Variants in AFG2A observed in about 807,000 individuals in gnomAD.
AFG2A encodes the protein ATPase family gene 2 protein homolog A.
chr4:122,937,477 T>C, the AFG2A span, among the ~76,000 whole-genome samples: 1 of 152,148 alleles, frequency 6.6e-6, no homozygotes, highest in Non-Finnish European at 1.5e-5. Context: ...GTGTTTAATA[T>C]CATAACTACT....
chr4:123,306,675 C>G, the AFG2A span, among the ~76,000 whole-genome samples: 1 of 152,108 alleles, frequency 6.6e-6, no homozygotes, highest in Non-Finnish European at 1.5e-5. Flanking sequence ...CCTGCCTCAG[C>G]CTCCCAAGTA....
chr4:123,000,940 C>T, the AFG2A span, among the ~76,000 whole-genome samples: 1 of 107,424 alleles, frequency 9.3e-6, no homozygotes, highest in Non-Finnish European at 2.0e-5. Context: ...GTCCTGGACT[C>T]TTTTTGGTTG....
At chr4:123,301,071 C>T in the AFG2A span, among the ~76,000 whole-genome samples, 1 of 152,280 alleles carries the variant, frequency 6.6e-6, no homozygotes, top group East Asian at 1.9e-4. Context: ...TACTATAGAG[C>T]AGTGATTCCT....
chr4:123,060,393 G>A, the AFG2A span, among the ~76,000 whole-genome samples: 3 of 152,224 alleles, frequency 2.0e-5, no homozygotes, highest in African/African-American at 7.2e-5. Context: ...GCACACCTCT[G>A]CCTGAACATC....
chr4:122,973,764 C>T, the AFG2A span, among the ~76,000 whole-genome samples: 1 of 152,166 alleles, frequency 6.6e-6, no homozygotes, highest in Non-Finnish European at 1.5e-5. Flanking sequence ...GATGATGGCT[C>T]ACTGCGGTCT....
At chr4:123,139,507 T>G in the AFG2A span, among the ~76,000 whole-genome samples, 1 of 152,020 alleles carries the variant, frequency 6.6e-6, no homozygotes, top group African/African-American at 2.4e-5. Context: ...CAGTTAGAAT[T>G]TTGATTTGGA....
the AFG2A span, among the ~76,000 whole-genome samples, chr4:123,070,964 A>T: frequency 6.6e-6 from 1 of 152,156 alleles, no homozygotes; most frequent in African/African-American, 2.4e-5. Flanking sequence ...TAGATCTGTG[A>T]TATTAGGAAA....
At chr4:123,133,060 G>A in the AFG2A span, among the ~76,000 whole-genome samples, 1 of 152,158 alleles carries the variant, frequency 6.6e-6, no homozygotes, top group South Asian at 2.1e-4. Context: ...GATTACAGGC[G>A]TGAGCCACTG....
At chr4:122,927,904 T>A in the AFG2A span, 1 of 1,158,340 alleles carries the variant, frequency 8.6e-7, no homozygotes, top group Non-Finnish European at 1.2e-6. Context: ...TTGGGATGCT[T>A]AGCCAGTAAA....
At chr4:123,294,152 G>A in the AFG2A span, among the ~76,000 whole-genome samples, 1 of 152,236 alleles carries the variant, frequency 6.6e-6, no homozygotes, top group Non-Finnish European at 1.5e-5. Context: ...GAGTGATGTT[G>A]CGTGGAGCTG....
the AFG2A span, among the ~76,000 whole-genome samples, chr4:123,022,039 A>C: frequency 4.0e-5 from 6 of 151,458 alleles, no homozygotes; most frequent in Non-Finnish European, 5.9e-5. Context: ...AATTAATTCA[A>C]GATGGATTAA....
the AFG2A span, among the ~76,000 whole-genome samples, chr4:122,992,982 G>GTGTGTGTGTGTGTGTGGTGTGTGTGTA: frequency 5.6e-4 from 85 of 151,574 alleles, no homozygotes; most frequent in Middle Eastern, 3.4e-3. Context: ...GTGTATGTGT[G>GTGTGTGTGTGTGTGTGGTGTGTGTGTA]TGTGTGTGTG....
the AFG2A span, among the ~76,000 whole-genome samples, chr4:122,981,301 T>C: frequency 1.3e-5 from 2 of 152,308 alleles, no homozygotes; most frequent in African/African-American, 4.8e-5. Flanking sequence ...TTGCGTGTTC[T>C]TCGGTACCTT....
chr4:123,091,753 G>A, the AFG2A span, among the ~76,000 whole-genome samples: 1 of 152,016 alleles, frequency 6.6e-6, no homozygotes, highest in Non-Finnish European at 1.5e-5. Flanking sequence ...TTTAATAAAG[G>A]AGTTCAGTAA....
chr4:123,095,042 A>AAAT, the AFG2A span, among the ~76,000 whole-genome samples: 16 of 114,100 alleles, frequency 1.4e-4, no homozygotes, highest in African/African-American at 4.9e-4. Flanking sequence ...AAAAAAAAAA[A>AAAT]ATATATATAT....
At chr4:123,068,278 C>A in the AFG2A span, among the ~76,000 whole-genome samples, 2 of 152,004 alleles carry the variant, frequency 1.3e-5, no homozygotes, top group Non-Finnish European at 2.9e-5. Flanking sequence ...TTTCTCAGTT[C>A]ATAAAACATT....
At chr4:123,238,509 C>G in the AFG2A span, among the ~76,000 whole-genome samples, 1 of 152,174 alleles carries the variant, frequency 6.6e-6, no homozygotes, top group South Asian at 2.1e-4. Context: ...ATTTGCTGCT[C>G]GGCAGCCTCC....
the AFG2A span, among the ~76,000 whole-genome samples, chr4:123,075,944 C>G: frequency 1.4e-5 from 2 of 142,970 alleles, no homozygotes; most frequent in African/African-American, 2.6e-5. Context: ...GCAACAAGGG[C>G]GAAACTCCAT....
chr4:123,054,366 C>T, the AFG2A span, among the ~76,000 whole-genome samples: 1 of 151,118 alleles, frequency 6.6e-6, no homozygotes, highest in Non-Finnish European at 1.5e-5. Context: ...TGGTGTCACT[C>T]TATGAACTAC....
Sources: allele counts gnomAD v4.1 joint callset (sites outside exome capture counted in the v4.1 genomes callset), GRCh38; gene constraint gnomAD v4.1.1; transcripts MANE v1.5; gene names NCBI Gene and HGNC (gene_info 2026-07-23, HGNC 2026-07-21).